The following PTPN4 variants were observed in gnomAD, a reference collection of about 807,000 sequenced individuals.
PTPN4 encodes the protein tyrosine-protein phosphatase non-receptor type 4.
Under a neutral mutation model 135.5 loss-of-function variants are expected in PTPN4, and 49 were observed. The observed-to-expected ratio is 0.36, with a 90% CI of 0.29 to 0.46. The LOEUF is 0.46. PTPN4 is among the 20% of genes least tolerant of loss of function. PTPN4 has a pLI of 1.00. For synonymous variants in PTPN4, 333 were observed against 369.9 expected, an observed-to-expected ratio of 0.90 and a Z score of 1.14; for missense variants, 860 against 1,101.0, an observed-to-expected ratio of 0.78 and a Z score of 3.10.
At position 119,982,746 on chromosome 2, in the gene PTPN4, G is replaced by T. The variant is rs553459864; in HGVS notation, c.*5676G>T. 31 of 152,298 alleles carry T rather than the reference G, an allele frequency of 2.0e-4. No homozygotes were observed. The highest frequency in any genetic ancestry group is 7.0e-4 in the African/African-American group (29 of 41,540). The allele number at this position is 152,298 out of a possible 1,614,324, so 9.4% of individuals were successfully genotyped here. On this transcript the variant is annotated 3_prime_UTR_variant, in exon 27 of 27. Coordinates refer to ENST00000263708, the MANE Select transcript of PTPN4 (RefSeq NM_002830.4). ...GTTGTGAGGGTGTGACTTTTGTGAA[G>T]CCAGAAAACTGTGCCTAAGATTCAT...
intron 2 of PTPN4, among the ~76,000 whole-genome samples, chr2:119,825,550 C>T (rs1039384696): frequency 6.9e-6 from 1 of 145,618 alleles, no homozygotes; most frequent in African/African-American, 2.6e-5. Flanking sequence ...GGCTGGAGTG[C>T]ACTGGTGTGA....
At chr2:119,776,169 GATTT>G (rs958355690) in intron 1 of PTPN4, among the ~76,000 whole-genome samples, 2 of 152,056 alleles carry the variant, frequency 1.3e-5, no homozygotes, top group African/African-American at 2.4e-5. Flanking sequence ...ATAATATAAA[GATTT>G]ATTTATTTAT....
Position 119,955,214 on chromosome 2 carries a change from C to G in PTPN4, c.1871C>G (p.Pro624Arg). ...LENEPDFQYI[P>R]EKAPLDSVHQ... is the part of the protein sequence containing the mutation. ...AATGAGCCAGATTTCCAGTATATTC[C>G]TGAGAAAGCCCCACTAGATAGTGTG... The change falls in exon 20 of 27, where the codon CCT becomes CGT. Residue 624 changes from proline to arginine, a missense_variant. Transcript: ENST00000263708. 6.2e-7 allele frequency: 1 copy of G among 1,612,962 alleles called. No individual in the cohort carries two copies. The highest frequency in any genetic ancestry group is 8.5e-7 in the Non-Finnish European group (1 of 1,179,638).
At chr2:119,942,034 A>T (rs1465470304) in intron 15 of PTPN4, among the ~76,000 whole-genome samples, 2 of 152,206 alleles carry the variant, frequency 1.3e-5, no homozygotes, top group African/African-American at 2.4e-5. Context: ...ATGCAATTTT[A>T]AAAATGTAAT....
intron 4 of PTPN4, 29 bp downstream of exon 4, chr2:119,877,394 G>T: frequency 6.2e-7 from 1 of 1,609,816 alleles, no homozygotes; most frequent in Non-Finnish European, 8.5e-7. Flanking sequence ...TTAATGTTTT[G>T]CAAGTTTACT....
chr2:119,772,398 G>A lies in PTPN4; in HGVS notation c.-18+12014G>A, dbSNP rs558118840. Among the ~76,000 whole-genome samples, 55 of 152,240 alleles carry A rather than the reference G, an allele frequency of 3.6e-4. No individual in the cohort carries two copies. In the South Asian group the frequency reaches 0.011, roughly 32 times the overall value. On this transcript the variant is annotated intron_variant, in intron 1 of 26. Transcript: ENST00000263708. ...CCAACAGTTTGTTATATGCAATTCT[G>A]AAATTCCCACATCCCTAAAAAGCCC...
chr2:119,782,628 G>T (rs1456150165), intron 1 of PTPN4, among the ~76,000 whole-genome samples: 1 of 151,382 alleles, frequency 6.6e-6, no homozygotes, highest in Non-Finnish European at 1.5e-5. Flanking sequence ...GAGTGAATCA[G>T]TGGCTTACTA....
chr2:119,795,392 C>T (rs1347363378), intron 1 of PTPN4, among the ~76,000 whole-genome samples: 5 of 152,234 alleles, frequency 3.3e-5, no homozygotes, highest in South Asian at 2.1e-4. Flanking sequence ...TGCCAAGGGG[C>T]GCCTGCAGGC....
intron 24 of PTPN4, among the ~76,000 whole-genome samples, chr2:119,964,911 G>A (rs1679424486): frequency 6.6e-6 from 1 of 152,132 alleles, no homozygotes. Context: ...AATAACAGAC[G>A]AATACACTGA....
At chr2:119,798,652 G>A (rs576190588) in intron 1 of PTPN4, among the ~76,000 whole-genome samples, 1 of 152,102 alleles carries the variant, frequency 6.6e-6, no homozygotes, top group Non-Finnish European at 1.5e-5. Flanking sequence ...GCAGGAAGTG[G>A]GAATATATTT....
intron 14 of PTPN4, among the ~76,000 whole-genome samples, chr2:119,933,395 G>T (rs1484476143): frequency 6.6e-6 from 1 of 151,856 alleles, no homozygotes; most frequent in African/African-American, 2.4e-5. Flanking sequence ...AATTCTAAAC[G>T]TGGCTGGGTG....
chr2:119,946,437 T>C lies in PTPN4; in HGVS notation c.1599+13T>C. ...ATTCAATGTAAAGGTAATCTGGAAT[T>C]TATTTTATACTCAGTTTTTAAATTA... On this transcript the variant is annotated intron_variant, in intron 17 of 26. Coordinates refer to ENST00000263708, the MANE Select transcript of PTPN4 (RefSeq NM_002830.4). 6.3e-7 allele frequency: 1 copy of C among 1,599,552 alleles called. No homozygotes were observed. Among genetic ancestry groups the C allele is most frequent in the South Asian group, 1.1e-5 (1 of 88,888 alleles).
At chr2:119,812,322 C>T (rs183851250) in intron 2 of PTPN4, among the ~76,000 whole-genome samples, 1 of 152,254 alleles carries the variant, frequency 6.6e-6, no homozygotes, top group African/African-American at 2.4e-5. Flanking sequence ...GCCAGGTTCA[C>T]CAGCATTTCT....
chr2:119,777,599 T>G (rs183951085), intron 1 of PTPN4, among the ~76,000 whole-genome samples: 8 of 152,328 alleles, frequency 5.3e-5, no homozygotes, highest in African/African-American at 1.2e-4. Context: ...ACATGGACAC[T>G]TGATTCGAGC....
intron 15 of PTPN4, among the ~76,000 whole-genome samples, chr2:119,938,920 A>G (rs942031889): frequency 6.6e-6 from 1 of 152,168 alleles, no homozygotes; most frequent in Non-Finnish European, 1.5e-5. Flanking sequence ...TTTAGATGCA[A>G]CTATATATCA....
chr2:119,879,372 A>T (rs1678036277), intron 5 of PTPN4, among the ~76,000 whole-genome samples: 1 of 152,218 alleles, frequency 6.6e-6, no homozygotes. Context: ...TCAAGGAATT[A>T]ATTTGCTCTC....
At chr2:119,882,186 A>G in intron 7 of PTPN4, 37 bp downstream of exon 7, 1 of 1,554,758 alleles carries the variant, frequency 6.4e-7, no homozygotes, top group Non-Finnish European at 8.9e-7. Context: ...AATAGCATAT[A>G]ACTGTGGTTT....
At chr2:119,955,393 T>C in intron 20 of PTPN4, 70 bp downstream of exon 20, 2 of 1,222,750 alleles carry the variant, frequency 1.6e-6, no homozygotes, top group Non-Finnish European at 2.2e-6. Context: ...GTTTCTTAAG[T>C]GCCTAATCTG....
At chr2:119,869,155 A>G (rs1224853729) in intron 3 of PTPN4, among the ~76,000 whole-genome samples, 1 of 152,224 alleles carries the variant, frequency 6.6e-6, no homozygotes, top group East Asian at 1.9e-4. Context: ...AGAACACTAT[A>G]TGGTTCCATT....
Sources: gnomAD v4.1 joint callset for allele counts (sites outside exome capture counted in the v4.1 genomes callset) on GRCh38, gnomAD v4.1.1 for gene constraint, MANE v1.5 for transcripts, NCBI Gene and HGNC (gene_info 2026-07-23, HGNC 2026-07-21) for gene names.